Variants in RELL1 observed in about 807,000 individuals in gnomAD.
RELL1 encodes the protein RELT like 1.
A neutral mutation model predicts 23.0 loss-of-function variants in RELL1; 10 were observed. That is an observed-to-expected ratio of 0.43 (90% CI 0.27 to 0.74). The LOEUF is 0.74. Among genes scored for constraint, RELL1 ranks in the 30% least tolerant of loss-of-function variants. The pLI is 0.19. For synonymous variants in RELL1, 146 were observed against 146.8 expected (o/e 0.99, Z 0.04); for missense variants, 315 against 364.4 (o/e 0.86, Z 1.10).
At chr4:37,616,851 G>A (rs1035078001) in intron 6 of RELL1, among the ~76,000 whole-genome samples, 5 of 152,162 alleles carry the variant, frequency 3.3e-5, no homozygotes, top group Admixed American at 6.5e-5. Flanking sequence ...GCAGTTACAC[G>A]CTTGCAGGTT....
At chr4:37,633,846 C>T (rs910263237) in intron 5 of RELL1, among the ~76,000 whole-genome samples, 12 of 152,122 alleles carry the variant, frequency 7.9e-5, no homozygotes, top group East Asian at 7.7e-4. Flanking sequence ...CATGGAGCAA[C>T]GTAACAGTTT....
downstream of RELL1, among the ~76,000 whole-genome samples, chr4:37,587,096 G>T (rs1261520144): frequency 6.6e-6 from 1 of 152,060 alleles, no homozygotes; most frequent in East Asian, 1.9e-4. Flanking sequence ...TTCCAGCTTG[G>T]GGGGCTGCCA....
chr4:37,659,259 G>A (rs1478409893), intron 1 of RELL1, among the ~76,000 whole-genome samples: 2 of 152,206 alleles, frequency 1.3e-5, no homozygotes, highest in Non-Finnish European at 2.9e-5. Flanking sequence ...GACCCACTAG[G>A]TATGTGTGTT....
intron 1 of RELL1, among the ~76,000 whole-genome samples, chr4:37,652,038 C>G (rs1720967344): frequency 6.6e-6 from 1 of 152,132 alleles, no homozygotes; most frequent in African/African-American, 2.4e-5. Context: ...CAGGAGGTCC[C>G]CAGTTTACAA....
chr4:37,650,548 C>T (rs775241697), intron 1 of RELL1, among the ~76,000 whole-genome samples: 2 of 152,030 alleles, frequency 1.3e-5, no homozygotes, highest in South Asian at 2.1e-4. Flanking sequence ...AAGGAAAACA[C>T]GGGGCACTAG....
intron 6 of RELL1, among the ~76,000 whole-genome samples, chr4:37,601,408 CAT>C (rs891272601): frequency 3.3e-5 from 5 of 152,178 alleles, no homozygotes; most frequent in African/African-American, 1.2e-4. Context: ...CATCTGAGCT[CAT>C]ATGATCCTCA....
chr4:37,670,295 CAG>C (rs1721791266), intron 1 of RELL1, among the ~76,000 whole-genome samples: 1 of 151,686 alleles, frequency 6.6e-6, no homozygotes, highest in South Asian at 2.1e-4. Flanking sequence ...ACTGTAGTGT[CAG>C]AGTAATATTA....
intron 6 of RELL1, among the ~76,000 whole-genome samples, chr4:37,596,185 A>C (rs1718840077): frequency 6.6e-6 from 1 of 152,182 alleles, no homozygotes; most frequent in Non-Finnish European, 1.5e-5. Flanking sequence ...TTTGACTTTA[A>C]GTTCCTTAAC....
At chr4:37,669,153 C>T (rs1246691912) in intron 1 of RELL1, among the ~76,000 whole-genome samples, 4 of 121,388 alleles carry the variant, frequency 3.3e-5, no homozygotes, top group Middle Eastern at 5.7e-3. Context: ...CCCCTCTGCC[C>T]GGCCAGCCGC....
At chr4:37,626,168 C>G (rs546736128) in intron 6 of RELL1, among the ~76,000 whole-genome samples, 5 of 152,036 alleles carry the variant, frequency 3.3e-5, no homozygotes, top group African/African-American at 9.7e-5. Flanking sequence ...GAAAACAGTA[C>G]GCAGGTCACT....
At chr4:37,685,094 A>G (rs926219075) in intron 1 of RELL1, among the ~76,000 whole-genome samples, 1 of 152,176 alleles carries the variant, frequency 6.6e-6, no homozygotes, top group Non-Finnish European at 1.5e-5. Context: ...TTCCCTTCCA[A>G]CCTGCTCTGG....
intron 4 of RELL1, among the ~76,000 whole-genome samples, chr4:37,637,848 A>T (rs578184674): frequency 6.6e-6 from 1 of 152,338 alleles, no homozygotes; most frequent in East Asian, 1.9e-4. Context: ...CAAAAACAGA[A>T]CATAGCAGGT....
chr4:37,686,084 C>T, intron 1 of RELL1, 116 bp downstream of exon 1: 1 of 900,022 alleles, frequency 1.1e-6, no homozygotes, highest in Non-Finnish European at 1.7e-6. Context: ...GCCGGGATCC[C>T]GCGGCTGTGC....
At chr4:37,647,991 T>C (rs1720766950) in intron 2 of RELL1, among the ~76,000 whole-genome samples, 1 of 152,216 alleles carries the variant, frequency 6.6e-6, no homozygotes, top group Non-Finnish European at 1.5e-5. Flanking sequence ...GGAGCATACA[T>C]GACGGTCTTT....
intron 1 of RELL1, among the ~76,000 whole-genome samples, chr4:37,670,067 AAAAG>A (rs1376674323): frequency 3.1e-4 from 46 of 150,710 alleles, no homozygotes; most frequent in Admixed American, 2.4e-3. Context: ...AAAAAAAAAA[AAAAG>A]AAAGAAAAAA....
intron 1 of RELL1, among the ~76,000 whole-genome samples, chr4:37,668,226 C>G (rs1485003238): frequency 6.8e-6 from 1 of 147,782 alleles, no homozygotes; most frequent in African/African-American, 2.5e-5. Context: ...CCCTCCCCCT[C>G]TCCCTCTCCC....
At chr4:37,633,913 T>TC (rs1334520398) in intron 5 of RELL1, among the ~76,000 whole-genome samples, 25 of 152,256 alleles carry the variant, frequency 1.6e-4, no homozygotes, top group African/African-American at 5.3e-4. Flanking sequence ...AGGTTACTCT[T>TC]CCCAGGGGGG....
At chr4:37,625,956 G>C (rs1719922333) in intron 6 of RELL1, among the ~76,000 whole-genome samples, 1 of 151,574 alleles carries the variant, frequency 6.6e-6, no homozygotes, top group South Asian at 2.1e-4. Context: ...TTTCTCAAAA[G>C]AAGACCTACA....
chr4:37,596,905 C>T (rs1263903995), intron 6 of RELL1, among the ~76,000 whole-genome samples: 4 of 151,158 alleles, frequency 2.6e-5, no homozygotes, highest in African/African-American at 2.4e-5. Flanking sequence ...CGCGCCACCA[C>T]GCCCAGCTAA....
Sources: gnomAD v4.1 joint callset for allele counts (sites outside exome capture counted in the v4.1 genomes callset) on GRCh38, gnomAD v4.1.1 for gene constraint, MANE v1.5 for transcripts, NCBI Gene and HGNC (gene_info 2026-07-23, HGNC 2026-07-21) for gene names.